Variants in PTPRM observed in about 807,000 individuals in gnomAD.
PTPRM encodes the protein receptor-type tyrosine-protein phosphatase mu.
PTPRM carries 47 observed loss-of-function variants against 186.7 expected under a neutral mutation model. The observed-to-expected ratio is 0.25, with a 90% CI of 0.20 to 0.32. The LOEUF (loss-of-function observed/expected upper bound fraction) is 0.32. Among genes scored for constraint, PTPRM ranks in the 10% least tolerant of loss-of-function variants. The probability of loss-of-function intolerance (pLI) is 1.00; values close to 1 mark genes in which losing one functional copy is unlikely to be tolerated. For synonymous variants in PTPRM, 668 were observed against 674.9 expected, an observed-to-expected ratio of 0.99 and a Z score of 0.16; for missense variants, 1,494 against 1,865.0, an observed-to-expected ratio of 0.80 and a Z score of 3.66.
At chr18:7,674,237 G>A (rs1480636481) in intron 1 of PTPRM, among the ~76,000 whole-genome samples, 1 of 152,138 alleles carries the variant, frequency 6.6e-6, no homozygotes, top group African/African-American at 2.4e-5. Context: ...GATGGCTGGT[G>A]TTGAGATTTT....
At chr18:8,378,146 G>T in intron 26 of PTPRM, 119 bp from the exon 27 acceptor site, 1 of 1,037,056 alleles carries the variant, frequency 9.6e-7, no homozygotes. Flanking sequence ...CCCTTGGACC[G>T]TGTTTCTCTC....
chr18:8,207,374 A>T (rs967870173), intron 14 of PTPRM, among the ~76,000 whole-genome samples: 2 of 152,216 alleles, frequency 1.3e-5, no homozygotes, highest in African/African-American at 4.8e-5. Context: ...GAATTTTCCA[A>T]TGCAGTGATT....
chr18:8,111,111 G>A (rs2091734439), intron 11 of PTPRM, among the ~76,000 whole-genome samples: 1 of 152,186 alleles, frequency 6.6e-6, no homozygotes, highest in Non-Finnish European at 1.5e-5. Flanking sequence ...TTAGGAAAAT[G>A]GGAAAGATAA....
chr18:8,206,294 G>A (rs11081362), intron 14 of PTPRM, among the ~76,000 whole-genome samples: 56,661 of 146,710 alleles, frequency 0.39, 11,507 homozygotes, highest in East Asian at 0.81. Flanking sequence ...TTGCACTGTC[G>A]CCCAGGCTGG....
chr18:7,652,166 T>C (rs1212798792), intron 1 of PTPRM, among the ~76,000 whole-genome samples: 1 of 152,220 alleles, frequency 6.6e-6, no homozygotes, highest in African/African-American at 2.4e-5. Flanking sequence ...TCACCATCAC[T>C]GGCCATCAGA....
intron 7 of PTPRM, among the ~76,000 whole-genome samples, chr18:7,956,739 G>A (rs778675724): frequency 4.6e-5 from 7 of 152,104 alleles, no homozygotes; most frequent in East Asian, 1.9e-4. Context: ...TTTAAACCTC[G>A]TCATCTCCTC....
intron 14 of PTPRM, among the ~76,000 whole-genome samples, chr18:8,197,691 C>T (rs1451751239): frequency 1.3e-5 from 2 of 152,222 alleles, no homozygotes; most frequent in Non-Finnish European, 2.9e-5. Flanking sequence ...TCCTCAGTCA[C>T]ATCAGCACTT....
At chr18:7,704,354 G>A (rs530834688) in intron 1 of PTPRM, among the ~76,000 whole-genome samples, 9 of 152,126 alleles carry the variant, frequency 5.9e-5, no homozygotes, top group Admixed American at 5.2e-4. Flanking sequence ...TTCAGAACTT[G>A]TTATTGGTCT....
chr18:8,234,497 T>A (rs2094321892), intron 14 of PTPRM, among the ~76,000 whole-genome samples: 1 of 152,172 alleles, frequency 6.6e-6, no homozygotes, highest in Non-Finnish European at 1.5e-5. Context: ...TCTTTCAGAT[T>A]TTTTTACACA....
At chr18:8,269,372 T>C (rs887413226) in intron 19 of PTPRM, among the ~76,000 whole-genome samples, 2 of 151,812 alleles carry the variant, frequency 1.3e-5, no homozygotes, top group African/African-American at 4.8e-5. Context: ...CTAGAAAACA[T>C]TTATAAAAGA....
At chr18:8,128,198 G>A (rs986834425) in intron 13 of PTPRM, among the ~76,000 whole-genome samples, 3 of 152,154 alleles carry the variant, frequency 2.0e-5, no homozygotes, top group Non-Finnish European at 1.5e-5. Context: ...CCAACTGATT[G>A]AAAGTAGTGG....
At position 8,190,194 on chromosome 18, in the gene PTPRM, A is replaced by G. The variant is rs762763287; in HGVS notation, c.2300+46415A>G. ...TGTAGTGTTATTAACTAAAGTCACC[A>G]TGATGTACAGTAAATCTCTTGAAAT... On this transcript the variant is annotated intron_variant, in intron 14 of 32. Transcript: ENST00000580170. Among the ~76,000 whole-genome samples the G allele has an allele frequency of 3.2e-4, 48 of 152,340 alleles. 1 individual carries two copies. In the Middle Eastern group the frequency reaches 0.017, roughly 54 times the overall value.
chr18:8,259,143 T>C (rs1366886361), intron 19 of PTPRM, among the ~76,000 whole-genome samples: 1 of 152,098 alleles, frequency 6.6e-6, no homozygotes, highest in Admixed American at 6.6e-5. Flanking sequence ...GAGATGGATT[T>C]TCGCCATGTT....
chr18:8,379,091 T>C, intron 27 of PTPRM, 76 bp from the exon 28 acceptor site: 2 of 1,293,848 alleles, frequency 1.5e-6, no homozygotes, highest in Admixed American at 5.0e-5. Flanking sequence ...GAAGTTTGCA[T>C]CTTTCGAAAA....
chr18:8,136,787 C>G lies in PTPRM; in HGVS notation c.2168-6860C>G, dbSNP rs563825489. ...GATTATGTATAATGTGAAGAAGGAA[C>G]AGCTGGAAAAAACTAAACAAGACTG... On this transcript the variant is annotated intron_variant, in intron 13 of 32. Coordinates refer to ENST00000580170, the MANE Select transcript of PTPRM (RefSeq NM_001105244.2). 4.4e-5 allele frequency among the ~76,000 whole-genome samples: 3 copies of G among 68,320 alleles called. No individual in the cohort carries two copies. In the East Asian group the frequency reaches 2.5e-3, roughly 58 times the overall value. The allele number at this position is 68,320 out of a possible 152,430, so 44.8% of individuals were successfully genotyped here.
At chr18:8,121,236 A>G (rs2092159877) in intron 13 of PTPRM, among the ~76,000 whole-genome samples, 1 of 152,194 alleles carries the variant, frequency 6.6e-6, no homozygotes, top group Non-Finnish European at 1.5e-5. Flanking sequence ...GGGATATTTC[A>G]AAATATTATG....
chr18:8,007,301 A>G (rs1038655118), intron 7 of PTPRM, among the ~76,000 whole-genome samples: 1 of 152,146 alleles, frequency 6.6e-6, no homozygotes, highest in Non-Finnish European at 1.5e-5. Flanking sequence ...ATATTGGAAC[A>G]TTCTTTATTA....
intron 1 of PTPRM, among the ~76,000 whole-genome samples, chr18:7,643,860 A>G (rs1598607249): frequency 6.6e-6 from 1 of 152,202 alleles, no homozygotes; most frequent in African/African-American, 2.4e-5. Context: ...AGCACAATTC[A>G]TGAATGGATA....
chr18:7,833,018 A>G (rs1444192039), intron 2 of PTPRM, among the ~76,000 whole-genome samples: 3 of 152,020 alleles, frequency 2.0e-5, no homozygotes, highest in Admixed American at 2.0e-4. Flanking sequence ...TTTGGTTACT[A>G]TAGCTCTGTA....
Sources: gnomAD v4.1 joint callset for allele counts (sites outside exome capture counted in the v4.1 genomes callset) on GRCh38, gnomAD v4.1.1 for gene constraint, MANE v1.5 for transcripts, NCBI Gene and HGNC (gene_info 2026-07-23, HGNC 2026-07-21) for gene names.